Variants in EPB41 observed in about 807,000 individuals in gnomAD.
The protein encoded by EPB41 is erythrocyte membrane protein band 4.1, also known as protein 4.1.
In EPB41, 65 loss-of-function variants were observed where a neutral mutation model predicts 108.0. The observed-to-expected ratio is 0.60, with a 90% CI of 0.49 to 0.74. EPB41 has a LOEUF of 0.74. EPB41 is among the 30% of genes least tolerant of loss of function. The probability of loss-of-function intolerance (pLI) is 0.00; values close to 1 mark genes in which losing one functional copy is unlikely to be tolerated. For missense variants in EPB41, 875 were observed against 1,037.0 expected (o/e 0.84, Z 2.15); for synonymous variants, 336 against 358.9 (o/e 0.94, Z 0.72).
In EPB41 at chr1:29,115,588, C is replaced by A; in HGVS notation, c.2497-111C>A. ...GGCTTAGCCTAAAGCTGCCCTGGTA[C>A]TGCAGACAGGAGTATTGGATCTGTC... On this transcript the variant is annotated intron_variant, in intron 19 of 20. Transcript: ENST00000343067. The surrounding 1 kb of genome is among the most constrained non-coding windows in gnomAD (Gnocchi z 4.4). 1 of 913,850 alleles carries A rather than the reference C, an allele frequency of 1.1e-6. No individual in the cohort carries two copies. The highest frequency in any genetic ancestry group is 1.7e-6 in the Non-Finnish European group (1 of 573,624). The allele number at this position is 913,850 out of a possible 1,614,324, so 56.6% of individuals were successfully genotyped here.
intron 1 of EPB41, among the ~76,000 whole-genome samples, chr1:28,938,986 C>T (rs149833214): frequency 6.6e-6 from 1 of 152,080 alleles, no homozygotes; most frequent in Non-Finnish European, 1.5e-5. Context: ...CTTTTCTAGG[C>T]CTAATTGCCC....
chr1:28,905,018 G>GGA (rs2091664296), intron 1 of EPB41, among the ~76,000 whole-genome samples: 3 of 121,480 alleles, frequency 2.5e-5, no homozygotes, highest in East Asian at 2.4e-4. Context: ...GCGACAGAAC[G>GGA]AGACTCTGTC....
chr1:28,982,355 G>A (rs988233276), intron 1 of EPB41: 6 of 681,762 alleles, frequency 8.8e-6, no homozygotes, highest in Non-Finnish European at 1.7e-5. Context: ...TTGGCCTCTC[G>A]TCGGGCTTTG....
intron 1 of EPB41, among the ~76,000 whole-genome samples, chr1:28,916,485 A>C (rs1350711488): frequency 1.3e-5 from 2 of 152,148 alleles, no homozygotes; most frequent in Non-Finnish European, 2.9e-5. Context: ...AAAATGCAAA[A>C]AAGTAGCTGG....
chr1:29,012,643 A>G (rs749907877), intron 5 of EPB41, among the ~76,000 whole-genome samples: 5 of 152,240 alleles, frequency 3.3e-5, no homozygotes, highest in Non-Finnish European at 5.9e-5. Context: ...CTTCCAGGAA[A>G]TGCAATAGTT....
At chr1:29,109,563 AT>A (rs2151679184) in intron 18 of EPB41, 126 bp downstream of exon 18, 1 of 781,770 alleles carries the variant, frequency 1.3e-6, no homozygotes, top group South Asian at 1.5e-5. Flanking sequence ...AAGCCACATT[AT>A]TCAAAGAGTC....
intron 1 of EPB41, among the ~76,000 whole-genome samples, chr1:28,899,874 A>G (rs2091094633): frequency 6.6e-6 from 1 of 152,184 alleles, no homozygotes; most frequent in South Asian, 2.1e-4. Flanking sequence ...CTTTGGTTTA[A>G]ATCCCAGCTT....
intron 7 of EPB41, among the ~76,000 whole-genome samples, chr1:29,029,713 G>A (rs752631994): frequency 6.6e-6 from 1 of 152,208 alleles, no homozygotes; most frequent in Non-Finnish European, 1.5e-5. Context: ...CAGTGAGACT[G>A]ACTGTTTTCA....
chr1:28,994,053 C>T (rs528725699), intron 3 of EPB41, among the ~76,000 whole-genome samples: 1 of 152,068 alleles, frequency 6.6e-6, no homozygotes, highest in South Asian at 2.1e-4. Context: ...CCAGTAAATG[C>T]CATTTCTTAA....
intron 11 of EPB41, among the ~76,000 whole-genome samples, chr1:29,047,559 G>C (rs1643661042): frequency 6.6e-6 from 1 of 151,364 alleles, no homozygotes; most frequent in Non-Finnish European, 1.5e-5. Context: ...TGGCCTAGTT[G>C]TGTTTTTCTA....
intron 1 of EPB41, among the ~76,000 whole-genome samples, chr1:28,903,033 G>A (rs765500178): frequency 3.3e-5 from 5 of 152,126 alleles, no homozygotes; most frequent in African/African-American, 9.7e-5. Context: ...CCTCTCTGAC[G>A]TCAGTTCCCA....
At chr1:28,902,316 G>T (rs1421757416) in intron 1 of EPB41, 2 of 985,288 alleles carry the variant, frequency 2.0e-6, no homozygotes, top group Non-Finnish European at 2.4e-6. Flanking sequence ...TTGTTCTGGA[G>T]CCCGAGCTTT....
At position 28,907,298 on chromosome 1, in the gene EPB41, C is replaced by A. The variant is rs183393676; in HGVS notation, c.-8+20088C>A. ...CATGGGCTGGTCTCGAACTCCCTAC[C>A]TCAGGTGATCCACCTGCCTCGGCCT... On this transcript the variant is annotated intron_variant, in intron 1 of 16. Transcript: ENST00000347529. 4.2e-3 allele frequency among the ~76,000 whole-genome samples: 624 copies of A among 150,150 alleles called. 7 individuals are homozygous for A. Among genetic ancestry groups the A allele is most frequent in the African/African-American group, 0.014 (579 of 40,844 alleles).
At chr1:28,941,006 G>A in intron 1 of EPB41, among the ~76,000 whole-genome samples, 1 of 152,132 alleles carries the variant, frequency 6.6e-6, no homozygotes, top group East Asian at 1.9e-4. Context: ...ATCAGTAGAT[G>A]GTGAATTTGG....
intron 1 of EPB41, among the ~76,000 whole-genome samples, chr1:28,969,537 G>A (rs1480709711): frequency 6.6e-6 from 1 of 151,640 alleles, no homozygotes; most frequent in Non-Finnish European, 1.5e-5. Context: ...AGGCCGAGGC[G>A]GGTGGATCAC....
intron 1 of EPB41, among the ~76,000 whole-genome samples, chr1:28,906,919 A>C (rs1000727153): frequency 6.6e-6 from 1 of 151,528 alleles, no homozygotes; most frequent in Non-Finnish European, 1.5e-5. Context: ...AGCTGGGACT[A>C]CAGGCACCCG....
rs578073898 is a variant in EPB41, at chr1:28,922,879, G to A, written c.-8+8111G>A. Among the ~76,000 whole-genome samples the A allele has an allele frequency of 2.7e-3, 409 of 151,150 alleles. 1 individual carries two copies. Among genetic ancestry groups the A allele is most frequent in the Middle Eastern group, 6.9e-3 (2 of 290 alleles). On this transcript the variant is annotated intron_variant, in intron 1 of 20. Transcript: ENST00000343067. ...CCTGACCTCATGATCCGCCTGCCTC[G>A]GCCTCCCAAAGTGCTGGAATTACAG...
intron 1 of EPB41, among the ~76,000 whole-genome samples, chr1:28,892,113 A>G (rs1011990413): frequency 2.6e-5 from 4 of 151,396 alleles, no homozygotes; most frequent in Non-Finnish European, 5.9e-5. Context: ...AAAAAAAAAA[A>G]AAGAATAACA....
chr1:28,902,001 G>C (rs1309178500), intron 1 of EPB41, among the ~76,000 whole-genome samples: 2 of 152,094 alleles, frequency 1.3e-5, no homozygotes, highest in Non-Finnish European at 2.9e-5. Flanking sequence ...GGTGATTTTT[G>C]TCTATATTAT....
Sources: gnomAD v4.1 joint callset for allele counts (sites outside exome capture counted in the v4.1 genomes callset) on GRCh38, gnomAD v4.1.1 for gene constraint, Gnocchi (gnomAD v3.1) non-coding constraint, MANE v1.5 for transcripts, NCBI Gene and HGNC (gene_info 2026-07-23, HGNC 2026-07-21) for gene names.